NOS1AP: variants seen among roughly 807,000 people sequenced by gnomAD.
NOS1AP encodes the protein nitric oxide synthase 1 adaptor protein.
Under a neutral mutation model 56.2 loss-of-function variants are expected in NOS1AP, and 21 were observed. That is an observed-to-expected ratio of 0.37 (90% CI 0.26 to 0.54). NOS1AP has a LOEUF of 0.54. Ranked by LOEUF, NOS1AP falls within the 20% of genes least tolerant of loss-of-function variation. NOS1AP has a pLI of 0.84. For synonymous variants in NOS1AP, 270 were observed against 274.6 expected (o/e 0.98, Z 0.17); for missense variants, 522 against 657.8 (o/e 0.79, Z 2.26).
intron 6 of NOS1AP, among the ~76,000 whole-genome samples, chr1:162,354,117 G>A (rs1253120838): frequency 1.3e-5 from 2 of 152,162 alleles, no homozygotes; most frequent in Non-Finnish European, 2.9e-5. Flanking sequence ...AAACTTCTTA[G>A]AACAATTTGT....
chr1:162,347,518 T>C (rs1252023905), intron 6 of NOS1AP, among the ~76,000 whole-genome samples: 1 of 152,220 alleles, frequency 6.6e-6, no homozygotes, highest in Non-Finnish European at 1.5e-5. Flanking sequence ...GTCACTCAGC[T>C]GCTGGCCACA....
intron 2 of NOS1AP, among the ~76,000 whole-genome samples, chr1:162,192,371 G>A (rs1189701050): frequency 6.6e-6 from 1 of 152,224 alleles, no homozygotes; most frequent in African/African-American, 2.4e-5. Flanking sequence ...AAGTTCAAAA[G>A]GGATGATGTA....
At chr1:162,364,833 GC>G (rs1306538556) in intron 8 of NOS1AP, 2 of 989,074 alleles carry the variant, frequency 2.0e-6, no homozygotes, top group African/African-American at 3.5e-5. Flanking sequence ...AATTTAAAAA[GC>G]CATGTGTAGT....
In NOS1AP at chr1:162,215,285, C is replaced by G. The variant is rs577590149; in HGVS notation, c.177+60809C>G. Among the ~76,000 whole-genome samples the G allele has an allele frequency of 4.6e-5, 7 of 152,350 alleles. No individual in the cohort carries two copies. In the East Asian group the frequency reaches 1.4e-3, roughly 29 times the overall value. On this transcript the variant is annotated intron_variant, in intron 2 of 9. Coordinates refer to ENST00000361897, the MANE Select transcript of NOS1AP (RefSeq NM_014697.3). ...CGAGTCTTTCTGAGGCTTGCCAGAGCTGAGCCACAGCACTCGACTGCGGTC... is the reference window on the plus strand; with the variant it reads ...CGAGTCTTTCTGAGGCTTGCCAGAGGTGAGCCACAGCACTCGACTGCGGTC...
intron 7 of NOS1AP, among the ~76,000 whole-genome samples, chr1:162,356,078 T>C (rs1367303065): frequency 1.3e-5 from 2 of 152,200 alleles, no homozygotes; most frequent in Non-Finnish European, 2.9e-5. Flanking sequence ...TCATATCTTA[T>C]CTCACATGGA....
At chr1:162,352,057 C>T (rs1657516438) in intron 6 of NOS1AP, among the ~76,000 whole-genome samples, 2 of 119,936 alleles carry the variant, frequency 1.7e-5, no homozygotes, top group African/African-American at 2.8e-5. Flanking sequence ...TCTGCTTCTT[C>T]GTCCTCTTTT....
intron 2 of NOS1AP, among the ~76,000 whole-genome samples, chr1:162,247,361 G>A (rs1026685830): frequency 2.6e-5 from 4 of 152,166 alleles, no homozygotes; most frequent in African/African-American, 9.7e-5. Flanking sequence ...GAACCAGAGG[G>A]AAGGAACTGC....
At chr1:162,161,161 A>G (rs892122701) in intron 2 of NOS1AP, among the ~76,000 whole-genome samples, 2 of 152,168 alleles carry the variant, frequency 1.3e-5, no homozygotes, top group Non-Finnish European at 2.9e-5. Flanking sequence ...TTCCTTCCCC[A>G]GTAATCCAGG....
At chr1:162,273,460 C>A (rs751132708) in intron 2 of NOS1AP, among the ~76,000 whole-genome samples, 5 of 152,188 alleles carry the variant, frequency 3.3e-5, no homozygotes, top group Admixed American at 1.3e-4. Context: ...CCACCGCGCC[C>A]GGCCGAAGCC....
intron 3 of NOS1AP, among the ~76,000 whole-genome samples, chr1:162,298,544 C>T (rs1358990786): frequency 1.3e-5 from 2 of 152,204 alleles, no homozygotes; most frequent in African/African-American, 4.8e-5. Context: ...AATAAGGTGG[C>T]ATCCTACTCC....
chr1:162,327,311 C>G (rs1379386809), intron 4 of NOS1AP, among the ~76,000 whole-genome samples: 4 of 152,116 alleles, frequency 2.6e-5, no homozygotes, highest in Non-Finnish European at 5.9e-5. Flanking sequence ...TACCATGTGT[C>G]CAGGCCTGAA....
chr1:162,114,867 G>A (rs1647878158), intron 1 of NOS1AP, among the ~76,000 whole-genome samples: 1 of 152,172 alleles, frequency 6.6e-6, no homozygotes. Context: ...GGAAGTTGTT[G>A]TAGGGGTGGG....
At chr1:162,187,443 T>C (rs1490609362) in intron 2 of NOS1AP, among the ~76,000 whole-genome samples, 1 of 152,256 alleles carries the variant, frequency 6.6e-6, no homozygotes, top group African/African-American at 2.4e-5. Flanking sequence ...GTTTCTAGTT[T>C]CTCACAGCTG....
intron 2 of NOS1AP, among the ~76,000 whole-genome samples, chr1:162,218,606 G>A (rs1652661827): frequency 6.6e-6 from 1 of 152,186 alleles, no homozygotes; most frequent in Non-Finnish European, 1.5e-5. Flanking sequence ...GGTCTCCAAG[G>A]GAGATGATCA....
At chr1:162,318,661 G>T (rs1656308912) in intron 4 of NOS1AP, among the ~76,000 whole-genome samples, 3 of 151,324 alleles carry the variant, frequency 2.0e-5, no homozygotes. Flanking sequence ...TCTTCTTCTT[G>T]ATCCTCAGGG....
intron 2 of NOS1AP, among the ~76,000 whole-genome samples, chr1:162,160,479 G>A (rs368657771): frequency 2.6e-5 from 4 of 152,178 alleles, no homozygotes; most frequent in African/African-American, 7.2e-5. Flanking sequence ...GTGGACGGGC[G>A]GCTTTATGGA....
chr1:162,148,200 T>G (rs1558122465), intron 1 of NOS1AP, among the ~76,000 whole-genome samples: 1 of 152,214 alleles, frequency 6.6e-6, no homozygotes, highest in Non-Finnish European at 1.5e-5. Context: ...GGACTCAGGA[T>G]GCTCCTCAGA....
chr1:162,279,928 C>G (rs992743524), intron 2 of NOS1AP, among the ~76,000 whole-genome samples: 2 of 152,138 alleles, frequency 1.3e-5, no homozygotes, highest in African/African-American at 4.8e-5. Context: ...CATCCCTGGG[C>G]ACTGGTTTCT....
chr1:162,341,878 G>C (rs1657119054), intron 5 of NOS1AP, among the ~76,000 whole-genome samples: 1 of 152,206 alleles, frequency 6.6e-6, no homozygotes, highest in South Asian at 2.1e-4. Flanking sequence ...AATGTAGAAA[G>C]CTGGAGTGTT....
Sources: gnomAD v4.1 joint callset for allele counts (sites outside exome capture counted in the v4.1 genomes callset) on GRCh38, gnomAD v4.1.1 for gene constraint, MANE v1.5 for transcripts, NCBI Gene and HGNC (gene_info 2026-07-23, HGNC 2026-07-21) for gene names.